Variants in OR51E1 observed in about 807,000 individuals in gnomAD.
The protein encoded by OR51E1 is olfactory receptor 51E1.
Under a neutral mutation model 11.5 loss-of-function variants are expected in OR51E1, and 9 were observed. The observed-to-expected ratio is 0.78, with a 90% CI of 0.47 to 1.37. The LOEUF is 1.37. Among genes scored for constraint, OR51E1 ranks in the 40% most tolerant of loss-of-function variants. The pLI, the probability that OR51E1 is intolerant of heterozygous loss-of-function variation, is 0.00. For synonymous variants in OR51E1, 168 were observed against 158.3 expected (o/e 1.06, Z -0.46); for missense variants, 397 against 410.2 (o/e 0.97, Z 0.28).
chr11:4,648,370 A>G (rs952392455), intron 1 of OR51E1, among the ~76,000 whole-genome samples: 1 of 152,226 alleles, frequency 6.6e-6, no homozygotes, highest in Non-Finnish European at 1.5e-5. Flanking sequence ...ATGAAATTTC[A>G]TACATTTTCA....
chr11:4,644,631 G>A (rs887946706), intron 1 of OR51E1, among the ~76,000 whole-genome samples: 1 of 152,146 alleles, frequency 6.6e-6, no homozygotes, highest in Non-Finnish European at 1.5e-5. Context: ...TGTCCACACG[G>A]CAACACCCCT....
rs1331251494 is a variant in OR51E1 at position 4,653,450 on chromosome 11, T to G, written c.924T>G (p.Leu308=). The G allele has an allele frequency of 6.2e-7, 1 of 1,613,350 alleles. No individual in the cohort carries two copies. Among genetic ancestry groups the G allele is most frequent in the Non-Finnish European group, 8.5e-7 (1 of 1,179,422 alleles). Residue 308 remains leucine (L), a synonymous_variant, in exon 2 of 2, where the codon CTT becomes CTG. Coordinates refer to ENST00000396952, the MANE Select transcript of OR51E1 (RefSeq NM_152430.4). ...TKEIRQRILR[L]FHVATHASEP Reference sequence around the variant, plus strand: ...AGATTCGACAGCGCATCCTTCGACTTTTCCATGTGGCCACACACGCTTCAG... The same window carrying G: ...AGATTCGACAGCGCATCCTTCGACTGTTCCATGTGGCCACACACGCTTCAG...
Position 4,653,152 on chromosome 11 carries a change from C to T in OR51E1, c.626C>T (p.Ala209Val). The T allele has an allele frequency of 6.2e-7, 1 of 1,613,848 alleles. No individual in the cohort carries two copies. Among genetic ancestry groups the T allele is most frequent in the Non-Finnish European group, 8.5e-7 (1 of 1,179,710 alleles). The change falls in exon 2 of 2, where the codon GCC becomes GTC. Residue 209 changes from alanine to valine, a missense_variant. Coordinates refer to ENST00000396952, the MANE Select transcript of OR51E1 (RefSeq NM_152430.4). ...TATGGCCTTATCGTCATCATCTCCG[C>T]CATTGGCCTGGACTCACTTCTCATC... is the stretch of plus-strand genomic sequence containing the variant. ...VVYGLIVIIS[A>V]IGLDSLLISF...
rs1847153646 is a variant in OR51E1 at position 4,655,161 on chromosome 11, C to T, written c.*1678C>T. The T allele has an allele frequency of 6.0e-6, 1 of 167,084 alleles. No homozygotes were observed. The highest frequency in any genetic ancestry group is 1.5e-5 in the Non-Finnish European group (1 of 68,110). 10.4% of individuals were successfully genotyped at this position (167,084 alleles called of 1,614,324 possible). A position where few individuals can be genotyped will look rare whatever the true frequency, so the allele number is the denominator to read the frequency against. ...GGTTATTTTTCATCAAACCTGATTC[C>T]TTCTGTCCTGAACACATAGCCAGGC... is the stretch of plus-strand genomic sequence containing the variant. On this transcript the variant is annotated 3_prime_UTR_variant, in exon 2 of 2. Coordinates refer to ENST00000396952, the MANE Select transcript of OR51E1 (RefSeq NM_152430.4).
At position 4,653,242 on chromosome 11, in the gene OR51E1, C is replaced by T. The variant is rs1157657447; in HGVS notation, c.716C>T (p.Ala239Val). ...TTGACACGTGAAGCCCAGGCCAAGG[C>T]ATTTGGCACTTGCGTCTCTCATGTG... The part of the protein sequence containing the change: ...LGLTREAQAK[A>V]FGTCVSHVCA... The change falls in exon 2 of 2, where the codon GCA becomes GTA. Residue 239 changes from alanine to valine, a missense_variant. Coordinates refer to ENST00000396952, the MANE Select transcript of OR51E1 (RefSeq NM_152430.4). 1.9e-6 allele frequency: 3 copies of T among 1,613,546 alleles called. No individual in the cohort carries two copies. The highest frequency in any genetic ancestry group is 2.5e-6 in the Non-Finnish European group (3 of 1,179,472).
chr11:4,649,986 G>A (rs377720468), intron 1 of OR51E1, among the ~76,000 whole-genome samples: 2 of 152,136 alleles, frequency 1.3e-5, no homozygotes, highest in East Asian at 1.9e-4. Flanking sequence ...GGTTTAGAAT[G>A]CATGATTGAT....
Position 4,652,637 on chromosome 11 carries a change from C to T in OR51E1, c.111C>T (p.Leu37=). The change falls in exon 2 of 2, where the codon CTC becomes CTT. Residue 37 remains leucine (L), a synonymous_variant. Transcript: ENST00000396952. Reference sequence around the variant, plus strand: ...GGTTGGCCTTCCCATTGTGCTCCCTCTACCTTATTGCTGTGCTAGGTAACT... The same window carrying T: ...GGTTGGCCTTCCCATTGTGCTCCCTTTACCTTATTGCTGTGCTAGGTAACT... ...QFWLAFPLCS[L]YLIAVLGNLT... The T allele has an allele frequency of 5.0e-6, 8 of 1,614,166 alleles. No homozygotes were observed. Among genetic ancestry groups the T allele is most frequent in the Non-Finnish European group, 6.8e-6 (8 of 1,180,022 alleles).
Position 4,655,076 on chromosome 11 carries a change from G to A in OR51E1, c.*1593G>A, listed in dbSNP as rs1417314543. 6.0e-6 allele frequency: 1 copy of A among 167,000 alleles called. No homozygotes were observed. Among genetic ancestry groups the A allele is most frequent in the East Asian group, 1.9e-4 (1 of 5,196 alleles). 10.3% of individuals were successfully genotyped at this position (167,000 alleles called of 1,614,324 possible). On this transcript the variant is annotated 3_prime_UTR_variant, in exon 2 of 2. Coordinates refer to ENST00000396952, the MANE Select transcript of OR51E1 (RefSeq NM_152430.4). Reference sequence around the variant, plus strand: ...CTCTGTTCATCATTGACTGCTCTTTGCTCATCATTGAATCCCCCAGCAAAG... The same window carrying A: ...CTCTGTTCATCATTGACTGCTCTTTACTCATCATTGAATCCCCCAGCAAAG...
intron 1 of OR51E1, among the ~76,000 whole-genome samples, chr11:4,646,414 G>A (rs1156834913): frequency 3.3e-5 from 5 of 152,178 alleles, no homozygotes; most frequent in African/African-American, 4.8e-5. Context: ...CTTACAAAGC[G>A]AAGTCCCTTC....
chr11:4,647,658 T>G (rs1055699397), intron 1 of OR51E1, among the ~76,000 whole-genome samples: 2 of 152,122 alleles, frequency 1.3e-5, no homozygotes, highest in African/African-American at 2.4e-5. Context: ...ACTGAAGGCC[T>G]CCACGTGGAT....
At chr11:4,646,412 G>A (rs138869362) in intron 1 of OR51E1, among the ~76,000 whole-genome samples, 1 of 152,170 alleles carries the variant, frequency 6.6e-6, no homozygotes, top group Admixed American at 6.5e-5. Context: ...TGCTTACAAA[G>A]CGAAGTCCCT....
chr11:4,646,722 G>T (rs1391007209), intron 1 of OR51E1, among the ~76,000 whole-genome samples: 1 of 152,124 alleles, frequency 6.6e-6, no homozygotes, highest in Non-Finnish European at 1.5e-5. Flanking sequence ...AGCCCTCTTG[G>T]TTTCCCTTCT....
Position 4,655,386 on chromosome 11 carries a change from C to T in OR51E1, c.*1903C>T, listed in dbSNP as rs542153411. 51 of 167,194 alleles carry T rather than the reference C, an allele frequency of 3.1e-4. No individual in the cohort carries two copies. The highest frequency in any genetic ancestry group is 1.2e-3 in the African/African-American group (50 of 41,580). The allele number at this position is 167,194 out of a possible 1,614,324, so 10.4% of individuals were successfully genotyped here. On this transcript the variant is annotated 3_prime_UTR_variant, in exon 2 of 2. Transcript: ENST00000396952. ...CCAGAAGCCTGGATTTCTGAAAAAA[C>T]TGTGCAGAGCCAAACCTCTGTCATT...
intron 1 of OR51E1, among the ~76,000 whole-genome samples, chr11:4,644,360 C>T (rs867343162): frequency 1.3e-5 from 2 of 152,078 alleles, no homozygotes; most frequent in Middle Eastern, 3.4e-3. Flanking sequence ...TGGGGTTAGA[C>T]TGGGGCTGCA....
chr11:4,649,774 A>G (rs1847071811), intron 1 of OR51E1, among the ~76,000 whole-genome samples: 1 of 152,208 alleles, frequency 6.6e-6, no homozygotes, highest in Admixed American at 6.5e-5. Flanking sequence ...AAAATGGTTA[A>G]CAGCAACAGA....
rs144348112 is a variant in OR51E1, at chr11:4,653,255, C to T, written c.729C>T (p.Cys243=). The change falls in exon 2 of 2, where the codon TGC becomes TGT. Residue 243 remains cysteine (C), a synonymous_variant. Transcript: ENST00000396952. The part of the protein sequence containing the change: ...REAQAKAFGT[C]VSHVCAVFIF... ...CCCAGGCCAAGGCATTTGGCACTTG[C>T]GTCTCTCATGTGTGTGCTGTGTTCA... 105 of 1,613,974 alleles carry T rather than the reference C, an allele frequency of 6.5e-5. No individual in the cohort carries two copies. In the African/African-American group the frequency reaches 9.9e-4, roughly 15 times the overall value.
chr11:4,649,956 G>A (rs74052483), intron 1 of OR51E1, among the ~76,000 whole-genome samples: 11,056 of 152,204 alleles, frequency 0.073, 962 homozygotes, highest in East Asian at 0.23. Flanking sequence ...AGATCATACA[G>A]CTCTAGAGGT....
chr11:4,653,111 C>T lies in OR51E1; in HGVS notation c.585C>T (p.Ile195=), dbSNP rs1413253279. 6.2e-7 allele frequency: 1 copy of T among 1,613,800 alleles called. No individual in the cohort carries two copies. The highest frequency in any genetic ancestry group is 1.1e-5 in the South Asian group (1 of 91,072). The change falls in exon 2 of 2, where the codon ATC becomes ATT. Residue 195 remains isoleucine, a synonymous_variant. Coordinates refer to ENST00000396952, the MANE Select transcript of OR51E1 (RefSeq NM_152430.4). ...TCATGAAGCTGGCCTGTGATGATAT[C>T]CGGGTCAATGTCGTCTATGGCCTTA... The part of the protein sequence containing the change: ...QDVMKLACDD[I]RVNVVYGLIV...
At chr11:4,647,564 A>G (rs1274553503) in intron 1 of OR51E1, among the ~76,000 whole-genome samples, 2 of 151,786 alleles carry the variant, frequency 1.3e-5, no homozygotes, top group Non-Finnish European at 2.9e-5. Context: ...AGTTCTAGGG[A>G]AGAATGTGAG....
Sources: gnomAD v4.1 joint callset for allele counts (sites outside exome capture counted in the v4.1 genomes callset) on GRCh38, gnomAD v4.1.1 for gene constraint, MANE v1.5 for transcripts, NCBI Gene and HGNC (gene_info 2026-07-23, HGNC 2026-07-21) for gene names.